The following CREG2 variants were observed in gnomAD, a reference collection of about 807,000 sequenced individuals.
The protein encoded by CREG2 is cellular repressor of E1A stimulated genes 2, also known as protein CREG2.
In CREG2, 24 loss-of-function variants were observed where a neutral mutation model predicts 26.2. The observed-to-expected ratio is 0.92, with a 90% CI of 0.66 to 1.29. The LOEUF (loss-of-function observed/expected upper bound fraction) is 1.29, where lower values mean the gene tolerates loss of function less well. CREG2 is among the 50% of genes most tolerant of loss of function. CREG2 has a pLI of 0.00. For missense variants in CREG2, 366 were observed against 398.6 expected, an observed-to-expected ratio of 0.92 and a Z score of 0.70; for synonymous variants, 174 against 169.2, an observed-to-expected ratio of 1.03 and a Z score of -0.22.
At chr2:101,368,532 A>T (rs1433173555) in intron 2 of CREG2, among the ~76,000 whole-genome samples, 2 of 152,078 alleles carry the variant, frequency 1.3e-5, no homozygotes, top group Non-Finnish European at 2.9e-5. Context: ...GGGGAGCTGC[A>T]CTCCAGCAGG....
At chr2:101,351,769 T>C (rs1684384401) in intron 3 of CREG2, among the ~76,000 whole-genome samples, 1 of 152,146 alleles carries the variant, frequency 6.6e-6, no homozygotes, top group African/African-American at 2.4e-5. Context: ...TTTAACTTCA[T>C]AAAAATTTCC....
At chr2:101,365,384 G>C (rs1332756445) in intron 2 of CREG2, among the ~76,000 whole-genome samples, 1 of 152,058 alleles carries the variant, frequency 6.6e-6, no homozygotes, top group African/African-American at 2.4e-5. Context: ...AGCAAGGTTG[G>C]GGAGGCGTCT....
chr2:101,380,442 C>T (rs181947376), intron 2 of CREG2, among the ~76,000 whole-genome samples: 76 of 152,358 alleles, frequency 5.0e-4, no homozygotes, highest in Non-Finnish European at 2.9e-4. Flanking sequence ...CTGTAGGAAA[C>T]GGCCGCGAAG....
chr2:101,368,937 TG>T (rs1333733777), intron 2 of CREG2, among the ~76,000 whole-genome samples: 7 of 152,178 alleles, frequency 4.6e-5, no homozygotes, highest in Non-Finnish European at 8.8e-5. Flanking sequence ...TGTGGTATTT[TG>T]TTACTGTTAT....
At chr2:101,384,656 G>A (rs1684936220) in intron 1 of CREG2, among the ~76,000 whole-genome samples, 2 of 152,136 alleles carry the variant, frequency 1.3e-5, no homozygotes, top group Non-Finnish European at 2.9e-5. Context: ...AACAGTTCAG[G>A]ATCAGCCTGG....
Position 101,350,030 on chromosome 2 carries a change from T to TA in CREG2, c.*892_*893insT, listed in dbSNP as rs1684354550. 6.6e-6 allele frequency: 1 copy of TA among 152,260 alleles called. No homozygotes were observed. The highest frequency in any genetic ancestry group is 1.5e-5 in the Non-Finnish European group (1 of 68,074). The allele number at this position is 152,260 out of a possible 1,614,324, so 9.4% of individuals were successfully genotyped here. On this transcript the variant is annotated 3_prime_UTR_variant, in exon 4 of 4. Coordinates refer to ENST00000324768, the MANE Select transcript of CREG2 (RefSeq NM_153836.4). The stretch of plus-strand genomic sequence containing the variant: ...AATGAGATGGCTTCTGTTGAGGGCC[T>TA]GGCCCAGGGCCGGGCAGGCAGTGGG...
chr2:101,362,482 G>A (rs1246234268), intron 2 of CREG2, among the ~76,000 whole-genome samples: 3 of 152,142 alleles, frequency 2.0e-5, no homozygotes, highest in Non-Finnish European at 4.4e-5. Flanking sequence ...CAAGTTTCTG[G>A]AGCTCTGTTT....
intron 2 of CREG2, among the ~76,000 whole-genome samples, chr2:101,381,624 G>A (rs1248575227): frequency 6.6e-6 from 1 of 152,216 alleles, no homozygotes; most frequent in Admixed American, 6.5e-5. Context: ...AGTGTCAGGG[G>A]TATAGCAGTT....
chr2:101,366,582 G>C (rs1210414150), intron 2 of CREG2, among the ~76,000 whole-genome samples: 3 of 152,132 alleles, frequency 2.0e-5, no homozygotes, highest in Admixed American at 1.3e-4. Flanking sequence ...CAGCACTTTG[G>C]GGGGCTGAGG....
rs1684310199 is a variant in CREG2, at chr2:101,346,606, A to T, written c.*4317T>A. The T allele has an allele frequency of 6.6e-6, 1 of 152,228 alleles. No homozygotes were observed. The highest frequency in any genetic ancestry group is 2.4e-5 in the African/African-American group (1 of 41,456). The allele number at this position is 152,228 out of a possible 1,614,324, so 9.4% of individuals were successfully genotyped here. A position where few individuals can be genotyped will look rare whatever the true frequency, so the allele number is the denominator to read the frequency against. ...TCTGCAAATGGATATATTAACGGTT[A>T]ACAAATGAAATGCTGTCTCTTTGTA... On this transcript the variant is annotated 3_prime_UTR_variant, in exon 4 of 4. Transcript: ENST00000324768.
At chr2:101,351,243 C>G (rs1461367075) in intron 3 of CREG2, among the ~76,000 whole-genome samples, 173 bp from the exon 4 acceptor site, 2 of 152,214 alleles carry the variant, frequency 1.3e-5, no homozygotes, top group African/African-American at 4.8e-5. Flanking sequence ...CGTAGGAAGC[C>G]AGGGACTGTA....
intron 2 of CREG2, among the ~76,000 whole-genome samples, chr2:101,367,226 C>T (rs1315643238): frequency 6.6e-6 from 1 of 152,176 alleles, no homozygotes; most frequent in African/African-American, 2.4e-5. Context: ...GGGATGTGGA[C>T]CCACTTCCTG....
At chr2:101,357,179 G>A (rs1684475456) in intron 2 of CREG2, among the ~76,000 whole-genome samples, 1 of 152,154 alleles carries the variant, frequency 6.6e-6, no homozygotes, top group Admixed American at 6.5e-5. Context: ...GAGCCACTGT[G>A]CTCAGCCCAA....
intron 2 of CREG2, among the ~76,000 whole-genome samples, chr2:101,370,840 A>T (rs558317795): frequency 6.6e-6 from 1 of 152,286 alleles, no homozygotes; most frequent in South Asian, 2.1e-4. Context: ...CTGAGAAAGC[A>T]GGTGTCAGGG....
intron 2 of CREG2, among the ~76,000 whole-genome samples, chr2:101,359,034 C>CA (rs776544215): frequency 0.057 from 69 of 1,204 alleles, 29 homozygotes; most frequent in Non-Finnish European, 0.16. Context: ...GACTCCGTCT[C>CA]AAAAAAAAAA....
chr2:101,371,266 G>A (rs953836741), intron 2 of CREG2, among the ~76,000 whole-genome samples: 3 of 152,254 alleles, frequency 2.0e-5, no homozygotes, highest in African/African-American at 7.2e-5. Context: ...ATGGAGTGAC[G>A]CCCTCCCTGC....
chr2:101,353,740 T>A (rs920816115), intron 3 of CREG2, among the ~76,000 whole-genome samples: 1 of 152,018 alleles, frequency 6.6e-6, no homozygotes, highest in Non-Finnish European at 1.5e-5. Context: ...ATAGACTGGA[T>A]AAAGAAAATG....
At chr2:101,379,969 TTCTATCTATCTATCTA>T (rs34370954) in intron 2 of CREG2, among the ~76,000 whole-genome samples, 43 of 147,862 alleles carry the variant, frequency 2.9e-4, no homozygotes, top group African/African-American at 5.0e-4. Context: ...GTGTGAAAGC[TTCTATCTATCTATCTA>T]TCTATCTATC....
At chr2:101,375,705 C>T (rs871080) in intron 2 of CREG2, 54,788 of 177,420 alleles carry the variant, frequency 0.31, 9,684 homozygotes, top group African/African-American at 0.5. Flanking sequence ...TACCCCAGGA[C>T]GGGGTGGGGT....
Sources: allele counts gnomAD v4.1 joint callset (sites outside exome capture counted in the v4.1 genomes callset), GRCh38; gene constraint gnomAD v4.1.1; transcripts MANE v1.5; gene names NCBI Gene and HGNC (gene_info 2026-07-23, HGNC 2026-07-21).